Variants in SSPN observed in about 807,000 individuals in gnomAD.
SSPN encodes K-ras oncogene-associated protein.
SSPN carries 15 observed loss-of-function variants against 19.1 expected under a neutral mutation model. The ratio of observed to expected loss-of-function variants is 0.78; its 90% confidence interval spans 0.52 to 1.21. The LOEUF (loss-of-function observed/expected upper bound fraction) is 1.21. Ranked by LOEUF, SSPN falls within the 50% of genes most tolerant of loss-of-function variation. The pLI, the probability that SSPN is intolerant of heterozygous loss-of-function variation, is 0.00. For missense variants in SSPN, 291 were observed against 314.0 expected (o/e 0.93, Z 0.55); for synonymous variants, 147 against 140.3 (o/e 1.05, Z -0.34).
chr12:26,177,154 C>A (rs1944689467), intron 1 of SSPN, among the ~76,000 whole-genome samples: 1 of 151,990 alleles, frequency 6.6e-6, no homozygotes, highest in African/African-American at 2.4e-5. Flanking sequence ...GGTGAGGATC[C>A]AATGAGATGA....
At chr12:26,147,122 G>C (rs926701934) in intron 1 of SSPN, among the ~76,000 whole-genome samples, 1 of 152,184 alleles carries the variant, frequency 6.6e-6, no homozygotes, top group African/African-American at 2.4e-5. Flanking sequence ...AGGTGGATGG[G>C]TAGAAGTAAG....
intron 1 of SSPN, among the ~76,000 whole-genome samples, chr12:26,144,558 G>A (rs2137408827): frequency 6.6e-6 from 1 of 152,278 alleles, no homozygotes; most frequent in South Asian, 2.1e-4. Context: ...TGGACTGTGA[G>A]CCTCTCAAGA....
intron 1 of SSPN, among the ~76,000 whole-genome samples, chr12:26,203,847 G>C (rs79388843): frequency 0.082 from 12,424 of 152,086 alleles, 960 homozygotes; most frequent in African/African-American, 0.2. Flanking sequence ...CTTGCAGGCG[G>C]CTGCCTTCTT....
intron 1 of SSPN, chr12:26,123,858 TTTTAC>T (rs1475658826): frequency 7.4e-6 from 6 of 814,754 alleles, no homozygotes; most frequent in Non-Finnish European, 1.3e-5. Flanking sequence ...AGTACTGTTC[TTTTAC>T]TTCTTGAGCT....
At chr12:26,160,384 G>C (rs1290584248) in intron 1 of SSPN, among the ~76,000 whole-genome samples, 1 of 152,106 alleles carries the variant, frequency 6.6e-6, no homozygotes, top group Non-Finnish European at 1.5e-5. Context: ...AAGTCAATTT[G>C]CATTTTTTCT....
chr12:26,123,135 T>C, intron 1 of SSPN: 2 of 1,605,738 alleles, frequency 1.2e-6, no homozygotes, highest in Non-Finnish European at 1.7e-6. Context: ...CGCATCCAAG[T>C]CGGACTGAAT....
chr12:26,217,705 T>A (rs2137496417), intron 1 of SSPN, among the ~76,000 whole-genome samples: 1 of 140,488 alleles, frequency 7.1e-6, no homozygotes, highest in South Asian at 2.6e-4. Flanking sequence ...TGATATTGGC[T>A]GTGGGTTTGT....
intron 1 of SSPN, among the ~76,000 whole-genome samples, chr12:26,207,986 C>G (rs1011935674): frequency 1.4e-5 from 2 of 144,150 alleles, no homozygotes; most frequent in Non-Finnish European, 3.0e-5. Flanking sequence ...GGCAACAGAG[C>G]AAGACCCTGT....
In SSPN at chr12:26,177,789, G is replaced by A. The variant is rs535669713; in HGVS notation, c.-30-46504G>A. Among the ~76,000 whole-genome samples the A allele has an allele frequency of 4.6e-5, 7 of 152,314 alleles. No individual in the cohort carries two copies. In the East Asian group the frequency reaches 1.4e-3, roughly 29 times the overall value. ...ATCTGACAGAGTGCTCTGATCTTCT[G>A]TGCCGGCTGGCTCTTTACACACTCA... On this transcript the variant is annotated intron_variant, in intron 1 of 2. Transcript: ENST00000538142.
At chr12:26,164,750 G>A (rs1364502705) in intron 1 of SSPN, among the ~76,000 whole-genome samples, 1 of 151,860 alleles carries the variant, frequency 6.6e-6, no homozygotes, top group Non-Finnish European at 1.5e-5. Context: ...ATTTTACCCT[G>A]TTTTTGTAAA....
chr12:26,196,010 T>C, intron 1 of SSPN, 59 bp downstream of exon 1: 1 of 1,357,692 alleles, frequency 7.4e-7, no homozygotes, highest in Middle Eastern at 1.9e-4. Flanking sequence ...CGAAGTCGCA[T>C]GGTCGAGTTG....
chr12:26,155,361 G>A (rs1216156546), intron 1 of SSPN, among the ~76,000 whole-genome samples: 1 of 152,194 alleles, frequency 6.6e-6, no homozygotes, highest in African/African-American at 2.4e-5. Flanking sequence ...ACAAAGATGG[G>A]AGCACGTATC....
At chr12:26,156,203 CT>C (rs1383625725) in intron 1 of SSPN, among the ~76,000 whole-genome samples, 1 of 152,194 alleles carries the variant, frequency 6.6e-6, no homozygotes, top group Non-Finnish European at 1.5e-5. Context: ...GTAGACATGA[CT>C]TCCGTTTACA....
At chr12:26,133,981 G>A (rs1161802112) in intron 1 of SSPN, among the ~76,000 whole-genome samples, 2 of 152,154 alleles carry the variant, frequency 1.3e-5, no homozygotes, top group African/African-American at 4.8e-5. Flanking sequence ...CAATCACTAA[G>A]TTATAGCCAG....
intron 1 of SSPN, among the ~76,000 whole-genome samples, chr12:26,206,594 G>T (rs1037287130): frequency 1.3e-5 from 2 of 152,076 alleles, no homozygotes; most frequent in Admixed American, 6.6e-5. Flanking sequence ...GCTAAGTAAT[G>T]AAATCCAGCC....
At chr12:26,160,003 G>A (rs1944577945) in intron 1 of SSPN, among the ~76,000 whole-genome samples, 1 of 152,180 alleles carries the variant, frequency 6.6e-6, no homozygotes, top group South Asian at 2.1e-4. Context: ...ATGAGCATTT[G>A]TAGATGATTC....
intron 2 of SSPN, among the ~76,000 whole-genome samples, chr12:26,225,157 T>C (rs1945164330): frequency 6.6e-6 from 1 of 152,042 alleles, no homozygotes; most frequent in Non-Finnish European, 1.5e-5. Flanking sequence ...TGTTTTTTCT[T>C]CTACAAGAAA....
intron 1 of SSPN, among the ~76,000 whole-genome samples, chr12:26,130,937 A>G (rs1189194562): frequency 1.3e-5 from 2 of 151,908 alleles, no homozygotes; most frequent in East Asian, 3.9e-4. Context: ...TCATTGTCCA[A>G]TCCCATTACA....
chr12:26,224,521 G>C, intron 2 of SSPN, 142 bp downstream of exon 2: 1 of 697,508 alleles, frequency 1.4e-6, no homozygotes, highest in Non-Finnish European at 2.5e-6. Flanking sequence ...TGTTTTAAGA[G>C]GGCATTGATC....
Sources: allele counts gnomAD v4.1 joint callset (sites outside exome capture counted in the v4.1 genomes callset), GRCh38; gene constraint gnomAD v4.1.1; transcripts MANE v1.5; gene names NCBI Gene and HGNC (gene_info 2026-07-23, HGNC 2026-07-21).